PITPNM2: variants seen among roughly 807,000 people sequenced by gnomAD.
PITPNM2 encodes the protein phosphatidylinositol transfer protein membrane associated 2.
PITPNM2 carries 35 observed loss-of-function variants against 132.2 expected under a neutral mutation model. The ratio of observed to expected loss-of-function variants is 0.26; its 90% CI spans 0.20 to 0.35. The LOEUF (loss-of-function observed/expected upper bound fraction) is 0.35, where lower values mean the gene tolerates loss of function less well. Among genes scored for constraint, PITPNM2 ranks in the 10% least tolerant of loss-of-function variants. The probability of loss-of-function intolerance (pLI) is 1.00; values close to 1 mark genes in which losing one functional copy is unlikely to be tolerated. For missense variants in PITPNM2, 1,332 were observed against 1,912.0 expected (o/e 0.70, Z 5.66); for synonymous variants, 738 against 799.2 (o/e 0.92, Z 1.29).
chr12:123,065,741 G>A (rs1307076499), intron 2 of PITPNM2, among the ~76,000 whole-genome samples: 1 of 152,204 alleles, frequency 6.6e-6, no homozygotes, highest in Admixed American at 6.5e-5. Context: ...TGGCCTGGGA[G>A]CCTTAGGGGA....
rs1170533448 is a variant in PITPNM2 at position 123,011,967 on chromosome 12, C to G, written c.415+646G>C. On this transcript the variant is annotated intron_variant, in intron 5 of 25. Coordinates refer to ENST00000320201, the MANE Select transcript of PITPNM2 (RefSeq NM_020845.3). ...GGAGCAGCTCCTGGGCCATGGACAC[C>G]CACCCCCAACCCGCATGCCCTGCCT... is the stretch of plus-strand genomic sequence containing the variant. Among the ~76,000 whole-genome samples, 5 of 152,320 alleles carry G rather than the reference C, an allele frequency of 3.3e-5. No individual in the cohort carries two copies. In the South Asian group the frequency reaches 1.0e-3, roughly 32 times the overall value.
intron 3 of PITPNM2, among the ~76,000 whole-genome samples, chr12:123,029,945 C>T (rs2040019346): frequency 6.8e-6 from 1 of 146,110 alleles, no homozygotes; most frequent in Non-Finnish European, 1.5e-5. Context: ...GACCCACAGA[C>T]CTAAACCCTG....
At chr12:123,127,679 G>A (rs1027710988) in intron 1 of PITPNM2, among the ~76,000 whole-genome samples, 5 of 148,658 alleles carry the variant, frequency 3.4e-5, no homozygotes, top group South Asian at 2.1e-4. Flanking sequence ...GCGTGATCTC[G>A]GCTCACGGCA....
In PITPNM2 at chr12:122,995,534, T is replaced by C. The variant is rs148218009; in HGVS notation, c.1909A>G (p.Ser637Gly). The C allele has an allele frequency of 6.2e-6, 10 of 1,611,834 alleles. No homozygotes were observed. The highest frequency in any genetic ancestry group is 1.3e-5 in the African/African-American group (1 of 74,904). ...TTGCTTCGGCTCAGGTGCCGACTGC[T>C]CTCCAGGCTGGAGCCACCACTACTG... ...GGSSGGSSLESSRHLSRSNVD... is the reference protein window; with the variant it reads ...GGSSGGSSLEGSRHLSRSNVD... Residue 637 changes from serine (S) to glycine (G), a missense_variant, in exon 14 of 26, where the codon AGC (serine) becomes GGC (glycine). Around this residue, in one of 6 missense-constraint regions of PITPNM2, gnomAD observed 710 missense variants for 911.5 expected, o/e 0.78. Transcript: ENST00000320201.
At chr12:122,986,379 AG>A (rs1212283760) in intron 25 of PITPNM2, 29 bp from the exon 26 acceptor site, 16 of 1,573,300 alleles carry the variant, frequency 1.0e-5, no homozygotes, top group Non-Finnish European at 1.4e-5. Flanking sequence ...CGGCTGTCAC[AG>A]GCTGGGGCTC....
chr12:122,989,090 AG>A (rs1179759914), intron 18 of PITPNM2, among the ~76,000 whole-genome samples: 2 of 152,146 alleles, frequency 1.3e-5, no homozygotes, highest in Non-Finnish European at 2.9e-5. Context: ...AGCCCTGCTG[AG>A]GGGCTCCTGC....
At position 123,136,130 on chromosome 12, in the gene PITPNM2, G is replaced by C. The variant is rs1289299375; in HGVS notation, c.-200+14623C>G. Among the ~76,000 whole-genome samples, 3 of 151,936 alleles carry C rather than the reference G, an allele frequency of 2.0e-5. No individual in the cohort carries two copies. The East Asian group carries it at 5.8e-4, about 30-fold the overall frequency. ...ATCCTGGCTAACTTGGTGAAACCCT[G>C]TCTCTACTAAAAATACAAAAAATTA... On this transcript the variant is annotated intron_variant, in intron 1 of 25. Transcript: ENST00000320201.
chr12:123,129,746 C>T (rs2043222135), intron 1 of PITPNM2, among the ~76,000 whole-genome samples: 1 of 151,982 alleles, frequency 6.6e-6, no homozygotes, highest in African/African-American at 2.4e-5. Flanking sequence ...GTGCTGGGTA[C>T]TTGTACTGGG....
intron 2 of PITPNM2, among the ~76,000 whole-genome samples, chr12:123,037,325 C>A (rs929499897): frequency 6.6e-6 from 1 of 152,116 alleles, no homozygotes; most frequent in African/African-American, 2.4e-5. Flanking sequence ...GGGTTGGAGA[C>A]GGGAAGGGAA....
intron 3 of PITPNM2, among the ~76,000 whole-genome samples, chr12:123,029,891 C>T (rs1022047802): frequency 1.3e-5 from 2 of 149,662 alleles, no homozygotes; most frequent in Non-Finnish European, 3.0e-5. Flanking sequence ...GGAGGAGCAG[C>T]CCATGTGCAC....
intron 2 of PITPNM2, among the ~76,000 whole-genome samples, chr12:123,051,259 G>A (rs1049446373): frequency 9.2e-5 from 14 of 152,166 alleles, no homozygotes; most frequent in Admixed American, 6.5e-5. Flanking sequence ...TGACTGGCTG[G>A]GCTGAAATCA....
intron 2 of PITPNM2, among the ~76,000 whole-genome samples, chr12:123,102,157 T>C (rs1420283490): frequency 6.6e-6 from 1 of 152,184 alleles, no homozygotes; most frequent in Non-Finnish European, 1.5e-5. Flanking sequence ...GCAAGGTGTG[T>C]TAGAGTGCTG....
intron 11 of PITPNM2, 48 bp from the exon 12 acceptor site, chr12:122,996,958 C>A (rs2038455904): frequency 1.4e-6 from 2 of 1,468,910 alleles, no homozygotes; most frequent in Non-Finnish European, 1.8e-6. Context: ...CCAGCTCAGC[C>A]CAAAGGGCCC....
Position 123,150,360 on chromosome 12 carries a change from T to A in PITPNM2, c.-200+393A>T, listed in dbSNP as rs2043705156. Among the ~76,000 whole-genome samples, 1 of 147,984 alleles carries A rather than the reference T, an allele frequency of 6.8e-6. No homozygotes were observed. Among genetic ancestry groups the A allele is most frequent in the Admixed American group, 6.7e-5 (1 of 14,976 alleles). Reference sequence around the variant, plus strand: ...AGAGAAGGCGGGCCGGGGGCTCACCTCCGCTTCCTCCCGATAGCCCCTTCC... The same window carrying A: ...AGAGAAGGCGGGCCGGGGGCTCACCACCGCTTCCTCCCGATAGCCCCTTCC... On this transcript the variant is annotated intron_variant, in intron 1 of 25. Coordinates refer to ENST00000320201, the MANE Select transcript of PITPNM2 (RefSeq NM_020845.3). This position sits in a 1 kb window ranked among gnomAD's most constrained non-coding sequence, Gnocchi z 6.0.
At chr12:123,149,283 A>G (rs2043680292) in intron 1 of PITPNM2, among the ~76,000 whole-genome samples, 1 of 152,202 alleles carries the variant, frequency 6.6e-6, no homozygotes, top group African/African-American at 2.4e-5. Context: ...TACCCAGAGA[A>G]TCTGGAGTCT....
Position 123,083,393 on chromosome 12 carries a change from A to G in PITPNM2, c.-96+26992T>C, listed in dbSNP as rs1250080811. ...AGACCCTGTATAGGTCAATGCCTCAAATGTCTGTGCCTGGCCTGGAGTTAT... is the reference window on the plus strand; with the variant it reads ...AGACCCTGTATAGGTCAATGCCTCAGATGTCTGTGCCTGGCCTGGAGTTAT... On this transcript the variant is annotated intron_variant, in intron 2 of 25. Coordinates refer to ENST00000320201, the MANE Select transcript of PITPNM2 (RefSeq NM_020845.3). The surrounding 1 kb of genome is among the most constrained non-coding windows in gnomAD (Gnocchi z 4.5). 1.3e-5 allele frequency: 2 copies of G among 152,240 alleles called. No individual in the cohort carries two copies. Among genetic ancestry groups the G allele is most frequent in the East Asian group, 3.8e-4 (2 of 5,198 alleles). 9.4% of individuals were successfully genotyped at this position (152,240 alleles called of 1,614,324 possible).
intron 16 of PITPNM2, chr12:122,991,742 G>A (rs1325442177): frequency 4.6e-6 from 6 of 1,296,262 alleles, no homozygotes; most frequent in Non-Finnish European, 5.9e-6. Context: ...CACGAGCAGG[G>A]GAGGGTACAC....
At chr12:123,118,217 G>C (rs1020705856) in intron 1 of PITPNM2, among the ~76,000 whole-genome samples, 1 of 152,222 alleles carries the variant, frequency 6.6e-6, no homozygotes, top group African/African-American at 2.4e-5. Flanking sequence ...ATTAGGCTGA[G>C]GTCTAATCTT....
chr12:123,148,370 G>GCAAT (rs1247602202), intron 1 of PITPNM2, among the ~76,000 whole-genome samples: 4 of 152,154 alleles, frequency 2.6e-5, no homozygotes, highest in Non-Finnish European at 4.4e-5. Context: ...AGACACTGGA[G>GCAAT]CAATACCACT....
Sources: allele counts gnomAD v4.1 joint callset (sites outside exome capture counted in the v4.1 genomes callset), GRCh38; gene constraint gnomAD v4.1.1; regional missense constraint gnomAD v4.1.1; non-coding constraint Gnocchi (gnomAD v3.1); transcripts MANE v1.5; gene names NCBI Gene and HGNC (gene_info 2026-07-23, HGNC 2026-07-21).